The following CTNNA2 variants were observed in gnomAD, a reference collection of about 807,000 sequenced individuals.
CTNNA2 encodes catenin alpha-2.
In CTNNA2, 42 loss-of-function variants were observed where a neutral mutation model predicts 101.0. That is an observed-to-expected ratio of 0.42 (90% confidence interval 0.32 to 0.54). The LOEUF (loss-of-function observed/expected upper bound fraction) is 0.54, where lower values mean the gene tolerates loss of function less well. Ranked by LOEUF, CTNNA2 falls within the 20% of genes least tolerant of loss-of-function variation. The probability of loss-of-function intolerance (pLI) is 0.14; values close to 1 mark genes in which losing one functional copy is unlikely to be tolerated. For missense variants in CTNNA2, 871 were observed against 1,223.1 expected, an observed-to-expected ratio of 0.71 and a Z score of 4.29; for synonymous variants, 450 against 456.4, an observed-to-expected ratio of 0.99 and a Z score of 0.18.
chr2:80,303,940 C>A lies in CTNNA2; in HGVS notation c.1057-89271C>A. On this transcript the variant is annotated intron_variant, in intron 7 of 18. Coordinates refer to ENST00000402739, the MANE Select transcript of CTNNA2 (RefSeq NM_001282597.3). This position sits in a 1 kb window ranked among gnomAD's most constrained non-coding sequence, Gnocchi z 7.7. The stretch of plus-strand genomic sequence containing the variant: ...GGAGGGGGAGAAAAGGGCAAAAAAT[C>A]AAATAAATACATAGAAATAAAGAAG... 1 of 1,176,498 alleles carries A rather than the reference C, an allele frequency of 8.5e-7. No homozygotes were observed. The highest frequency in any genetic ancestry group is 2.2e-5 in the South Asian group (1 of 45,446). 72.9% of individuals were successfully genotyped at this position (1,176,498 alleles called of 1,614,324 possible).
At chr2:79,823,129 C>T (rs1678150149) in intron 3 of CTNNA2, among the ~76,000 whole-genome samples, 1 of 152,224 alleles carries the variant, frequency 6.6e-6, no homozygotes, top group South Asian at 2.1e-4. Flanking sequence ...ACTTTTGTCT[C>T]TGTTGCAACT....
chr2:79,331,458 A>T (rs1676870822), intron 3 of CTNNA2, among the ~76,000 whole-genome samples: 1 of 152,030 alleles, frequency 6.6e-6, no homozygotes. Context: ...CTTTAAGTCT[A>T]ACTTTGAAAA....
At chr2:80,516,192 T>G (rs565081551) in intron 9 of CTNNA2, among the ~76,000 whole-genome samples, 2 of 152,198 alleles carry the variant, frequency 1.3e-5, no homozygotes, top group African/African-American at 2.4e-5. Context: ...CTGAGCTGAT[T>G]GGCTAATATG....
chr2:80,429,580 A>T (rs1470420903), intron 9 of CTNNA2, among the ~76,000 whole-genome samples: 1 of 152,212 alleles, frequency 6.6e-6, no homozygotes, highest in Non-Finnish European at 1.5e-5. Flanking sequence ...TTAGCTGCTG[A>T]TGTTGGCGTA....
At chr2:79,720,546 C>G (rs1484796093) in intron 2 of CTNNA2, among the ~76,000 whole-genome samples, 1 of 151,932 alleles carries the variant, frequency 6.6e-6, no homozygotes, top group Non-Finnish European at 1.5e-5. Context: ...TTCATTTATT[C>G]GTGTTTTCTC....
At chr2:79,768,192 A>G (rs1254644929) in intron 3 of CTNNA2, among the ~76,000 whole-genome samples, 1 of 151,552 alleles carries the variant, frequency 6.6e-6, no homozygotes, top group Non-Finnish European at 1.5e-5. Flanking sequence ...CACTGAGTTC[A>G]TTTCCTCAGG....
At chr2:80,151,957 C>G (rs1433578723) in intron 7 of CTNNA2, among the ~76,000 whole-genome samples, 1 of 152,244 alleles carries the variant, frequency 6.6e-6, no homozygotes, top group East Asian at 1.9e-4. Context: ...TGTCTTGTTG[C>G]TGCATTGCCA....
intron 2 of CTNNA2, among the ~76,000 whole-genome samples, chr2:79,273,071 T>A (rs946189854): frequency 6.6e-6 from 1 of 152,086 alleles, no homozygotes; most frequent in Non-Finnish European, 1.5e-5. Flanking sequence ...GCTTGTCTTT[T>A]TTTTTATGGT....
At chr2:80,643,840 G>T (rs1362714752) in intron 18 of CTNNA2, among the ~76,000 whole-genome samples, 1 of 152,138 alleles carries the variant, frequency 6.6e-6, no homozygotes, top group Non-Finnish European at 1.5e-5. Context: ...ACAAGGAAGG[G>T]CTGAGCTCTG....
intron 4 of CTNNA2, 32 bp from the exon 5 acceptor site, chr2:79,869,784 A>T (rs761949688): frequency 6.9e-6 from 11 of 1,599,452 alleles, no homozygotes; most frequent in Middle Eastern, 1.7e-4. Flanking sequence ...AATACTATCC[A>T]CTAATAAATA....
chr2:80,034,379 A>G (rs1257895939), intron 7 of CTNNA2, among the ~76,000 whole-genome samples: 4 of 132,206 alleles, frequency 3.0e-5, no homozygotes, highest in African/African-American at 1.2e-4. Flanking sequence ...TTTGATACGG[A>G]GTCTCGCTCT....
intron 9 of CTNNA2, among the ~76,000 whole-genome samples, chr2:80,465,882 G>A (rs1430247480): frequency 6.6e-6 from 1 of 151,964 alleles, no homozygotes. Context: ...TGGTGTGATG[G>A]TTTTTATTTT....
chr2:79,984,616 G>T (rs571801088), intron 7 of CTNNA2, among the ~76,000 whole-genome samples: 37 of 152,318 alleles, frequency 2.4e-4, no homozygotes, highest in African/African-American at 7.5e-4. Flanking sequence ...GCCTTAGTTT[G>T]TAGAACTTCC....
intron 9 of CTNNA2, among the ~76,000 whole-genome samples, chr2:80,543,502 T>C (rs72622679): frequency 0.068 from 10,367 of 152,262 alleles, 837 homozygotes; most frequent in African/African-American, 0.19. Flanking sequence ...CTGAAATAGC[T>C]ATAATGCATC....
At chr2:79,410,731 T>A (rs1486337805) in intron 4 of CTNNA2, among the ~76,000 whole-genome samples, 1 of 149,590 alleles carries the variant, frequency 6.7e-6, no homozygotes, top group East Asian at 2.0e-4. Context: ...TTTGCATCAA[T>A]GTTCATCAAG....
chr2:80,373,532 A>G (rs1351742604), intron 7 of CTNNA2, among the ~76,000 whole-genome samples: 1 of 152,204 alleles, frequency 6.6e-6, no homozygotes, highest in Non-Finnish European at 1.5e-5. Flanking sequence ...ACCGTGAGAG[A>G]GCATGAGATT....
At chr2:80,554,327 G>A (rs946881889) in intron 11 of CTNNA2, among the ~76,000 whole-genome samples, 1 of 152,062 alleles carries the variant, frequency 6.6e-6, no homozygotes, top group African/African-American at 2.4e-5. Context: ...TGAACTATTG[G>A]TTGGATTTGG....
At chr2:79,521,107 G>GATATAT (rs59797728) in intron 1 of CTNNA2, among the ~76,000 whole-genome samples, 21 of 105,376 alleles carry the variant, frequency 2.0e-4, no homozygotes, top group South Asian at 3.2e-4. Context: ...CAAAGCTGCT[G>GATATAT]ATATATATAT....
rs1676378070 is a variant in CTNNA2 at position 79,311,682 on chromosome 2, A to T, written c.-405-1027A>T. On this transcript the variant is annotated intron_variant, in intron 2 of 21. Coordinates refer to the CTNNA2 transcript ENST00000466387. ...CTCATACTATTCTACTACTGCTACA[A>T]ACCCCCACTCGGTGCTCCCCAATTC... 5.3e-5 allele frequency among the ~76,000 whole-genome samples: 8 copies of T among 151,980 alleles called. No homozygotes were observed. In the South Asian group the frequency reaches 1.7e-3, roughly 32 times the overall value.
Sources: gnomAD v4.1 joint callset for allele counts (sites outside exome capture counted in the v4.1 genomes callset) on GRCh38, gnomAD v4.1.1 for gene constraint, Gnocchi (gnomAD v3.1) non-coding constraint, MANE v1.5 for transcripts, NCBI Gene and HGNC (gene_info 2026-07-23, HGNC 2026-07-21) for gene names.